Variants in VRK1 observed in about 807,000 individuals in gnomAD.
VRK1 encodes VRK serine/threonine kinase 1.
VRK1 carries 33 observed loss-of-function variants against 57.1 expected under a neutral mutation model. The ratio of observed to expected loss-of-function variants is 0.58; its 90% confidence interval spans 0.44 to 0.77. VRK1 has a LOEUF of 0.77. Ranked by LOEUF, VRK1 falls within the 30% of genes least tolerant of loss-of-function variation. VRK1 has a pLI of 0.00. For synonymous variants in VRK1, 137 were observed against 147.8 expected, an observed-to-expected ratio of 0.93 and a Z score of 0.53; for missense variants, 413 against 477.3, an observed-to-expected ratio of 0.87 and a Z score of 1.25.
chr14:96,844,290 C>CA (rs1480609511), intron 3 of VRK1, among the ~76,000 whole-genome samples: 2 of 152,166 alleles, frequency 1.3e-5, no homozygotes, highest in African/African-American at 4.8e-5. Context: ...GTACTGAGTC[C>CA]ATAAGTTAAG....
chr14:96,809,883 T>C (rs1375599101), intron 1 of VRK1, among the ~76,000 whole-genome samples: 1 of 152,164 alleles, frequency 6.6e-6, no homozygotes, highest in Non-Finnish European at 1.5e-5. Context: ...ATGTGTCTAG[T>C]TTTAATAGAC....
At chr14:96,836,184 T>C (rs1472502247) in intron 2 of VRK1, among the ~76,000 whole-genome samples, 1 of 152,188 alleles carries the variant, frequency 6.6e-6, no homozygotes, top group Non-Finnish European at 1.5e-5. Flanking sequence ...GAAAAATTTT[T>C]AGTAGCTTTA....
intron 1 of VRK1, 130 bp from the exon 2 acceptor site, chr14:96,833,337 A>C (rs1231075063): frequency 2.1e-6 from 2 of 958,030 alleles, no homozygotes; most frequent in Admixed American, 2.4e-5. Context: ...CAGAATTAAC[A>C]GGTATCCTTT....
intron 7 of VRK1, among the ~76,000 whole-genome samples, chr14:96,854,336 A>G (rs1056378665): frequency 3.3e-5 from 5 of 152,176 alleles, no homozygotes; most frequent in African/African-American, 1.2e-4. Flanking sequence ...GCCTTTGTTT[A>G]TATGGAAATA....
intron 1 of VRK1, among the ~76,000 whole-genome samples, chr14:96,798,233 A>G (rs754604098): frequency 6.6e-6 from 1 of 152,196 alleles, no homozygotes; most frequent in Non-Finnish European, 1.5e-5. Flanking sequence ...GCAGGGTGGC[A>G]TCCTTTACTG....
At chr14:96,837,544 A>G (rs1224815385) in intron 2 of VRK1, among the ~76,000 whole-genome samples, 2 of 152,202 alleles carry the variant, frequency 1.3e-5, no homozygotes, top group African/African-American at 2.4e-5. Flanking sequence ...ATAATCATAT[A>G]GAAGAAACCA....
At chr14:96,806,332 G>A (rs930382287) in intron 1 of VRK1, among the ~76,000 whole-genome samples, 4 of 152,176 alleles carry the variant, frequency 2.6e-5, no homozygotes, top group Non-Finnish European at 5.9e-5. Context: ...GGGACAATCA[G>A]GATAATTGTT....
intron 3 of VRK1, among the ~76,000 whole-genome samples, chr14:96,845,650 A>G (rs1488896109): frequency 6.6e-6 from 1 of 152,182 alleles, no homozygotes; most frequent in African/African-American, 2.4e-5. Flanking sequence ...TAAAGTAGAT[A>G]TAAGTGTAAT....
intron 1 of VRK1, among the ~76,000 whole-genome samples, chr14:96,828,912 A>C (rs1886902515): frequency 6.6e-6 from 1 of 152,226 alleles, no homozygotes; most frequent in Non-Finnish European, 1.5e-5. Flanking sequence ...CAGCAAGAGC[A>C]AGAGGGAATC....
intron 8 of VRK1, 152 bp from the exon 9 acceptor site, chr14:96,855,978 A>G (rs1031394353): frequency 2.8e-5 from 24 of 843,318 alleles, no homozygotes; most frequent in Non-Finnish European, 3.4e-5. Flanking sequence ...ATACTGTCCA[A>G]TGTTCAGTAC....
rs1361579268 is a variant in VRK1, at chr14:96,881,228, ATT to A, written c.*22_*23del. The A allele has an allele frequency of 6.3e-7, 1 of 1,595,042 alleles. No homozygotes were observed. The highest frequency in any genetic ancestry group is 8.6e-7 in the Non-Finnish European group (1 of 1,169,112). ...AAGTAATTCAGATGCTGTGAACCAG[ATT>A]TCCTTTTCTTTGTTTTCTTTTGACT... On this transcript the variant is annotated 3_prime_UTR_variant, in exon 13 of 13. Transcript: ENST00000216639.
At chr14:96,855,380 G>C (rs373052750) in intron 8 of VRK1, 24 bp downstream of exon 8, 13 of 1,613,670 alleles carry the variant, frequency 8.1e-6, no homozygotes, top group Non-Finnish European at 1.1e-5. Flanking sequence ...ACTGGAGTGA[G>C]AAATAGACTG....
At chr14:96,863,288 A>C (rs899022440) in intron 11 of VRK1, among the ~76,000 whole-genome samples, 8 of 152,222 alleles carry the variant, frequency 5.3e-5, no homozygotes, top group Non-Finnish European at 1.2e-4. Context: ...AGTACAGTGC[A>C]ACAGTTATTG....
At position 96,843,150 on chromosome 14, in the gene VRK1, C is replaced by A. The variant is rs146638624; in HGVS notation, c.217-2945C>A. Among the ~76,000 whole-genome samples the A allele has an allele frequency of 1.2e-4, 19 of 152,312 alleles. No individual in the cohort carries two copies. The East Asian group carries it at 3.7e-3, about 29-fold the overall frequency. On this transcript the variant is annotated intron_variant, in intron 3 of 12. Transcript: ENST00000216639. Reference sequence around the variant, plus strand: ...TTTAATCCTTGACCTACAGAACAGACACTGTATTTTATTTCTGAAAGTAAC... The same window carrying A: ...TTTAATCCTTGACCTACAGAACAGAAACTGTATTTTATTTCTGAAAGTAAC...
chr14:96,858,782 T>G (rs1349478106), intron 10 of VRK1: 4 of 152,280 alleles, frequency 2.6e-5, no homozygotes, highest in Non-Finnish European at 5.9e-5. Context: ...TTACTGTAGC[T>G]TTATTTAAAG....
intron 1 of VRK1, among the ~76,000 whole-genome samples, chr14:96,811,271 A>G (rs1886191576): frequency 6.6e-6 from 1 of 152,180 alleles, no homozygotes; most frequent in African/African-American, 2.4e-5. Context: ...CCAGGAGCTC[A>G]TCATGCTTTG....
chr14:96,836,989 A>G (rs1024047904), intron 2 of VRK1, among the ~76,000 whole-genome samples: 1 of 152,054 alleles, frequency 6.6e-6, no homozygotes, highest in Non-Finnish European at 1.5e-5. Context: ...TTCCTGCTTA[A>G]TTTGTCCTCT....
chr14:96,833,481 G>A lies in VRK1; in HGVS notation c.10G>A (p.Val4Ile), dbSNP rs1438752253. Residue 4 changes from valine (V) to isoleucine (I), a missense_variant, in exon 2 of 13, where the codon GTA (valine) becomes ATA (isoleucine). By Grantham distance (29) the Val-to-Ile change is conservative. This residue lies in a region of VRK1 where 116 missense variants were observed against 113.6 expected (regional missense o/e 1.02). Transcript: ENST00000216639. ...TTATGTTATAGTGAAAATGCCTCGT[G>A]TAAAAGCAGCTCAAGCTGGAAGACA... MPR[V>I]KAAQAGRQSS... 6.2e-7 allele frequency: 1 copy of A among 1,613,404 alleles called. No homozygotes were observed. The highest frequency in any genetic ancestry group is 1.7e-5 in the Admixed American group (1 of 59,970).
intron 5 of VRK1, 147 bp from the exon 6 acceptor site, chr14:96,852,684 G>T (rs1442369783): frequency 1.4e-6 from 1 of 698,082 alleles, no homozygotes; most frequent in Non-Finnish European, 2.5e-6. Flanking sequence ...CTAGTTGGGA[G>T]AAATTGTTTC....
Sources: gnomAD v4.1 joint callset for allele counts (sites outside exome capture counted in the v4.1 genomes callset) on GRCh38, gnomAD v4.1.1 for gene constraint, gnomAD v4.1.1 regional missense constraint, MANE v1.5 for transcripts, NCBI Gene and HGNC (gene_info 2026-07-23, HGNC 2026-07-21) for gene names.